NUP98: variants seen among roughly 807,000 people sequenced by gnomAD.
NUP98 encodes the protein nuclear pore complex protein Nup98-Nup96.
NUP98 carries 26 observed loss-of-function variants against 191.9 expected under a neutral mutation model. That is an observed-to-expected ratio of 0.14 (90% CI 0.10 to 0.19). NUP98 has a LOEUF of 0.19. NUP98 is among the 10% of genes least tolerant of loss of function. NUP98 has a pLI of 1.00. For missense variants in NUP98, 1,941 were observed against 2,178.8 expected (o/e 0.89, Z 2.17); for synonymous variants, 808 against 778.4 (o/e 1.04, Z -0.63).
At chr11:3,708,727 A>T (rs1194128390) in intron 20 of NUP98, among the ~76,000 whole-genome samples, 2 of 149,544 alleles carry the variant, frequency 1.3e-5, no homozygotes, top group African/African-American at 5.0e-5. Flanking sequence ...GTGTACTTAA[A>T]AAAAAAAAAA....
chr11:3,784,586 A>AC lies in NUP98; in HGVS notation c.-28-2442_-28-2441insG, dbSNP rs1491357867. On this transcript the variant is annotated intron_variant, in intron 1 of 32. Coordinates refer to ENST00000324932, the MANE Select transcript of NUP98 (RefSeq NM_016320.5). The stretch of plus-strand genomic sequence containing the variant: ...GCAAGACTCTGTCTCTATTAAAAAC[A>AC]AAAAAAAAACAAAAAAAAACAAAAA... Among the ~76,000 whole-genome samples the AC allele has an allele frequency of 5.8e-3, 565 of 96,840 alleles. 12 individuals are homozygous for AC. The highest frequency in any genetic ancestry group is 0.023 in the African/African-American group (529 of 22,716). The allele number at this position is 96,840 out of a possible 152,430, so 63.5% of individuals were successfully genotyped here. A position where few individuals can be genotyped will look rare whatever the true frequency, so the allele number is the denominator to read the frequency against.
rs1341885740 is a variant in NUP98, at chr11:3,719,515, A to G, written c.2296T>C (p.Leu766=). ...GSIYFEGDVN[L]TNLNLDDIVH... ...ATATCATCCAAATTTAGATTTGTCA[A>G]ATTCACATCTCCTTCAAAATAGATT... Residue 766 remains leucine (L), a synonymous_variant, in exon 18 of 33, where the codon TTG becomes CTG. Transcript: ENST00000324932. 6.3e-7 allele frequency: 1 copy of G among 1,590,664 alleles called. No individual in the cohort carries two copies. Among genetic ancestry groups the G allele is most frequent in the South Asian group, 1.2e-5 (1 of 86,452 alleles).
intron 12 of NUP98, among the ~76,000 whole-genome samples, chr11:3,737,638 A>C (rs1049634716): frequency 6.6e-6 from 1 of 152,136 alleles, no homozygotes; most frequent in Non-Finnish European, 1.5e-5. Context: ...AAAACAAACA[A>C]ACAAACAAAA....
At chr11:3,793,861 C>G (rs574890542) in intron 1 of NUP98, among the ~76,000 whole-genome samples, 1 of 151,810 alleles carries the variant, frequency 6.6e-6, no homozygotes, top group African/African-American at 2.4e-5. Flanking sequence ...TCCAGCTACT[C>G]GGGAGGCTGA....
intron 32 of NUP98, 30 bp downstream of exon 32, chr11:3,676,479 G>A: frequency 6.2e-7 from 1 of 1,604,344 alleles, no homozygotes; most frequent in South Asian, 1.1e-5. Flanking sequence ...AAGCAAGAAG[G>A]CAGAAAGAGT....
chr11:3,696,989 A>C (rs1353676884), intron 25 of NUP98: 1 of 152,186 alleles, frequency 6.6e-6, no homozygotes, highest in Non-Finnish European at 1.5e-5. Flanking sequence ...GGCATGCCTT[A>C]AGATCCTCTC....
At chr11:3,721,250 T>A (rs1473680367) in intron 16 of NUP98, among the ~76,000 whole-genome samples, 1 of 152,188 alleles carries the variant, frequency 6.6e-6, no homozygotes, top group Non-Finnish European at 1.5e-5. Context: ...TACCAAAACC[T>A]ACAGTGGAAA....
chr11:3,765,514 T>C (rs183047884), intron 8 of NUP98, among the ~76,000 whole-genome samples: 1 of 152,274 alleles, frequency 6.6e-6, no homozygotes, highest in African/African-American at 2.4e-5. Flanking sequence ...TCTGATCAAT[T>C]TGTGGCCAGG....
Position 3,744,695 on chromosome 11 carries a change from C to A in NUP98, c.1268-46G>T. 1.9e-6 allele frequency: 3 copies of A among 1,563,674 alleles called. No homozygotes were observed. In the South Asian group the frequency reaches 3.6e-5, roughly 19 times the overall value. ...AAAAAAGCACCACAGAAGATCCTTT[C>A]AATGTTGTGCCAGAGGTCAGTTACT... is the stretch of plus-strand genomic sequence containing the variant. On this transcript the variant is annotated intron_variant, in intron 11 of 32. Coordinates refer to ENST00000324932, the MANE Select transcript of NUP98 (RefSeq NM_016320.5).
chr11:3,746,294 A>AAG (rs144936005), intron 11 of NUP98, among the ~76,000 whole-genome samples: 127 of 92,982 alleles, frequency 1.4e-3, no homozygotes, highest in African/African-American at 2.7e-3. Flanking sequence ...AAAAAAAAAA[A>AAG]GACAGCTTTG....
chr11:3,680,310 C>T (rs1589946256), intron 30 of NUP98, among the ~76,000 whole-genome samples: 2 of 152,198 alleles, frequency 1.3e-5, no homozygotes, highest in Admixed American at 6.5e-5. Context: ...TCTCAAGAAA[C>T]TGCTTTCTTT....
chr11:3,736,810 T>C (rs960891643), intron 12 of NUP98, among the ~76,000 whole-genome samples: 2 of 152,218 alleles, frequency 1.3e-5, no homozygotes, highest in Non-Finnish European at 2.9e-5. Context: ...AAATGTGGTT[T>C]TTTCTTTTCC....
chr11:3,761,087 T>A (rs1294917964), intron 9 of NUP98, among the ~76,000 whole-genome samples: 2 of 152,192 alleles, frequency 1.3e-5, no homozygotes, highest in African/African-American at 4.8e-5. Context: ...ATATTATGAT[T>A]CCATTTACAT....
intron 10 of NUP98, among the ~76,000 whole-genome samples, chr11:3,759,354 T>C (rs1018489090): frequency 6.6e-6 from 1 of 152,168 alleles, no homozygotes; most frequent in Non-Finnish European, 1.5e-5. Flanking sequence ...CCCAGCACTT[T>C]GGGAGGCCGA....
intron 26 of NUP98, 136 bp from the exon 27 acceptor site, chr11:3,693,511 A>C: frequency 1.1e-6 from 1 of 906,346 alleles, no homozygotes; most frequent in South Asian, 1.8e-5. Context: ...AAATATAATA[A>C]AATCTCACAG....
chr11:3,691,316 C>T, intron 28 of NUP98, 31 bp downstream of exon 28: 1 of 1,613,590 alleles, frequency 6.2e-7, no homozygotes, highest in Non-Finnish European at 8.5e-7. Flanking sequence ...ATGGAGCACT[C>T]AAGTGACAAT....
chr11:3,688,711 C>T (rs12798665), intron 28 of NUP98, among the ~76,000 whole-genome samples: 13,393 of 149,410 alleles, frequency 0.09, 666 homozygotes, highest in South Asian at 0.16. Context: ...AGGAGAATCG[C>T]TTGAACCTGG....
Position 3,725,158 on chromosome 11 carries a change from T to G in NUP98, c.1792A>C (p.Asn598His). The G allele has an allele frequency of 2.5e-6, 4 of 1,602,550 alleles. No individual in the cohort carries two copies. Among genetic ancestry groups the G allele is most frequent in the Non-Finnish European group, 3.4e-6 (4 of 1,170,414 alleles). Reference sequence around the variant, plus strand: ...GAAGCTAGATTTTCTGAATCACGATTAACAGGAGAAAAGAGATTGCTATTA... The same window carrying G: ...GAAGCTAGATTTTCTGAATCACGATGAACAGGAGAAAAGAGATTGCTATTA... ...LNNSNLFSPVNRDSENLASPS... is the reference protein window; with the variant it reads ...LNNSNLFSPVHRDSENLASPS... The change falls in exon 15 of 33, where the codon AAT (asparagine) becomes CAT (histidine). Residue 598 changes from asparagine to histidine, a missense_variant. Transcript: ENST00000324932.
intron 12 of NUP98, among the ~76,000 whole-genome samples, chr11:3,739,738 G>A (rs910833968): frequency 1.3e-5 from 2 of 152,100 alleles, no homozygotes; most frequent in African/African-American, 2.4e-5. Flanking sequence ...AATTTCTAGG[G>A]GAAAGATGTG....
Sources: gnomAD v4.1 joint callset for allele counts (sites outside exome capture counted in the v4.1 genomes callset) on GRCh38, gnomAD v4.1.1 for gene constraint, MANE v1.5 for transcripts, NCBI Gene and HGNC (gene_info 2026-07-23, HGNC 2026-07-21) for gene names.